The following MAPKAPK5 variants were observed in gnomAD, a reference collection of about 807,000 sequenced individuals.
MAPKAPK5 encodes the protein MAPK activated protein kinase 5.
A neutral mutation model predicts 65.1 loss-of-function variants in MAPKAPK5; 30 were observed. The ratio of observed to expected loss-of-function variants is 0.46; its 90% CI spans 0.34 to 0.63. The LOEUF (loss-of-function observed/expected upper bound fraction) is 0.63, where lower values mean the gene tolerates loss of function less well. Among genes scored for constraint, MAPKAPK5 ranks in the 20% least tolerant of loss-of-function variants. MAPKAPK5 has a pLI of 0.01. For synonymous variants in MAPKAPK5, 179 were observed against 204.6 expected, an observed-to-expected ratio of 0.87 and a Z score of 1.07; for missense variants, 433 against 581.4, an observed-to-expected ratio of 0.74 and a Z score of 2.63.
At position 111,864,487 on chromosome 12, in the gene MAPKAPK5, C is replaced by A. The variant is rs927531556; in HGVS notation, c.37-763C>A. Reference sequence around the variant, plus strand: ...AGTGCTGGGATTACAGGTGTGAGCCCGGCCGAGACCCTGTCTCTTATAATA... The same window carrying A: ...AGTGCTGGGATTACAGGTGTGAGCCAGGCCGAGACCCTGTCTCTTATAATA... On this transcript the variant is annotated intron_variant, in intron 1 of 13. Transcript: ENST00000550735. 2.0e-5 allele frequency among the ~76,000 whole-genome samples: 3 copies of A among 151,630 alleles called. No homozygotes were observed. The East Asian group carries it at 5.9e-4, about 30-fold the overall frequency.
intron 1 of MAPKAPK5, among the ~76,000 whole-genome samples, chr12:111,856,154 C>T (rs538402939): frequency 2.6e-5 from 4 of 151,994 alleles, no homozygotes; most frequent in Non-Finnish European, 5.9e-5. Context: ...TGTGTCCAGT[C>T]GTGTTGTTTA....
intron 4 of MAPKAPK5, 109 bp from the exon 5 acceptor site, chr12:111,868,644 C>A: frequency 3.7e-6 from 3 of 809,402 alleles, no homozygotes; most frequent in Non-Finnish European, 5.9e-6. Context: ...AGTTGTTACA[C>A]ACTTTGTAGA....
rs139721055 is a variant in MAPKAPK5 at position 111,869,525 on chromosome 12, T to G, written c.393+664T>G. On this transcript the variant is annotated intron_variant, in intron 5 of 13. Transcript: ENST00000550735. ...GAATTAGGAAGCACAGCCCAATTGC[T>G]TCTTAATAAAAAGTTCTTCCAAGTT... Among the ~76,000 whole-genome samples, 786 of 152,324 alleles carry G rather than the reference T, an allele frequency of 5.2e-3. 9 individuals carry two copies. The highest frequency in any genetic ancestry group is 0.018 in the African/African-American group (748 of 41,576).
chr12:111,885,800 G>C (rs1361871686), intron 9 of MAPKAPK5, 116 bp from the exon 10 acceptor site: 1 of 1,346,782 alleles, frequency 7.4e-7, no homozygotes, highest in African/African-American at 1.5e-5. Flanking sequence ...CAGGTGGAAA[G>C]CCCAGGCTTG....
At position 111,854,021 on chromosome 12, in the gene MAPKAPK5, GT is replaced by G. The variant is rs540387138; in HGVS notation, c.37-11228del. Among the ~76,000 whole-genome samples, 32 of 152,184 alleles carry G rather than the reference GT, an allele frequency of 2.1e-4. 1 individual carries two copies. In the East Asian group the frequency reaches 4.1e-3, roughly 19 times the overall value. On this transcript the variant is annotated intron_variant, in intron 1 of 13. Transcript: ENST00000550735. ...ACCCCACTCAGACCCACTTAGTCTG[GT>G]GTAGAATCATTCTTACATGTTGCTA...
intron 1 of MAPKAPK5, among the ~76,000 whole-genome samples, chr12:111,847,077 T>TA (rs1321901359): frequency 6.6e-6 from 1 of 151,882 alleles, no homozygotes; most frequent in Non-Finnish European, 1.5e-5. Context: ...CGTGGTGGCT[T>TA]ACGCTTGTAA....
chr12:111,851,803 ACT>A (rs965382468), intron 1 of MAPKAPK5, among the ~76,000 whole-genome samples: 7 of 152,068 alleles, frequency 4.6e-5, no homozygotes, highest in African/African-American at 1.7e-4. Context: ...GGTGGAGAAA[ACT>A]CTGTCCAGAT....
intron 1 of MAPKAPK5, among the ~76,000 whole-genome samples, chr12:111,859,211 G>C (rs970695134): frequency 4.7e-5 from 7 of 148,298 alleles, no homozygotes; most frequent in Non-Finnish European, 1.0e-4. Flanking sequence ...TATATTTACA[G>C]TTAATTGCTT....
At chr12:111,875,114 G>C (rs2069920359) in intron 7 of MAPKAPK5, among the ~76,000 whole-genome samples, 1 of 151,948 alleles carries the variant, frequency 6.6e-6, no homozygotes, top group Non-Finnish European at 1.5e-5. Flanking sequence ...TTGTGTCTTG[G>C]GACCTTCCTA....
At chr12:111,886,889 A>T (rs370206599) in intron 10 of MAPKAPK5, among the ~76,000 whole-genome samples, 90 of 152,342 alleles carry the variant, frequency 5.9e-4, no homozygotes, top group African/African-American at 2.1e-3. Flanking sequence ...CTGTGGGAGC[A>T]GAGAAGTAGA....
At chr12:111,881,288 G>A (rs1003797104) in intron 8 of MAPKAPK5, among the ~76,000 whole-genome samples, 4 of 151,860 alleles carry the variant, frequency 2.6e-5, no homozygotes, top group African/African-American at 9.7e-5. Flanking sequence ...TGGCCAAGCT[G>A]ATCTCAAACT....
intron 10 of MAPKAPK5, among the ~76,000 whole-genome samples, chr12:111,887,287 G>T (rs1049920900): frequency 6.6e-6 from 1 of 152,158 alleles, no homozygotes; most frequent in Non-Finnish European, 1.5e-5. Flanking sequence ...TTGTCTTCCT[G>T]TTGTCCAGAA....
chr12:111,886,103 C>T (rs2070395866), intron 10 of MAPKAPK5, 67 bp downstream of exon 10: 1 of 1,610,362 alleles, frequency 6.2e-7, no homozygotes, highest in Non-Finnish European at 8.5e-7. Context: ...GGGCTTGGCT[C>T]AGTGAGGGGT....
In MAPKAPK5 at chr12:111,883,039, A is replaced by G. The variant is rs2070286982; in HGVS notation, c.661-542A>G. 6.6e-6 allele frequency among the ~76,000 whole-genome samples: 1 copy of G among 152,208 alleles called. No homozygotes were observed. Among genetic ancestry groups the G allele is most frequent in the African/African-American group, 2.4e-5 (1 of 41,448 alleles). On this transcript the variant is annotated intron_variant, in intron 8 of 13. Coordinates refer to ENST00000550735, the MANE Select transcript of MAPKAPK5 (RefSeq NM_003668.4). The surrounding 1 kb of genome is among the most constrained non-coding windows in gnomAD (Gnocchi z 4.8). ...ACATTTTATCCCAGACTGGCTTTGT[A>G]TGATGGGATGCATGTATGTAGTATT...
intron 8 of MAPKAPK5, among the ~76,000 whole-genome samples, chr12:111,881,105 G>A (rs1277182066): frequency 1.3e-5 from 2 of 151,678 alleles, no homozygotes; most frequent in African/African-American, 2.4e-5. Context: ...ACAGAGTCTC[G>A]CTCTGTCGCC....
chr12:111,876,006 G>C (rs1226603141), intron 7 of MAPKAPK5, among the ~76,000 whole-genome samples: 2 of 151,988 alleles, frequency 1.3e-5, no homozygotes, highest in African/African-American at 4.8e-5. Context: ...AGGGGTTCAA[G>C]ACTAGCCTGG....
chr12:111,868,607 A>G (rs1041811377), intron 4 of MAPKAPK5, 146 bp from the exon 5 acceptor site: 1 of 607,230 alleles, frequency 1.6e-6, no homozygotes, highest in African/African-American at 1.9e-5. Flanking sequence ...TTTTGCTCTT[A>G]GTAACTGTGT....
intron 3 of MAPKAPK5, among the ~76,000 whole-genome samples, 197 bp downstream of exon 3, chr12:111,866,428 C>G (rs571439336): frequency 1.3e-5 from 2 of 152,198 alleles, no homozygotes; most frequent in African/African-American, 4.8e-5. Context: ...TGAGTCATTT[C>G]CTTTCAGCCA....
intron 7 of MAPKAPK5, among the ~76,000 whole-genome samples, chr12:111,873,678 T>C (rs898120138): frequency 6.6e-6 from 1 of 152,206 alleles, no homozygotes; most frequent in Non-Finnish European, 1.5e-5. Context: ...GCTGGCCATA[T>C]ATCTGTTGGT....
Sources: gnomAD v4.1 joint callset for allele counts (sites outside exome capture counted in the v4.1 genomes callset) on GRCh38, gnomAD v4.1.1 for gene constraint, Gnocchi (gnomAD v3.1) non-coding constraint, MANE v1.5 for transcripts, NCBI Gene and HGNC (gene_info 2026-07-23, HGNC 2026-07-21) for gene names.